Variants in ZFHX3 observed in about 807,000 individuals in gnomAD.
The protein encoded by ZFHX3 is zinc finger homeobox 3.
Under a neutral mutation model 279.1 loss-of-function variants are expected in ZFHX3, and 42 were observed. The ratio of observed to expected loss-of-function variants is 0.15; its 90% CI spans 0.12 to 0.19. The LOEUF is 0.19. Ranked by LOEUF, ZFHX3 falls within the 10% of genes least tolerant of loss-of-function variation. The pLI, the probability that ZFHX3 is intolerant of heterozygous loss-of-function variation, is 1.00. For synonymous variants in ZFHX3, 2,293 were observed against 1,957.8 expected (o/e 1.17, Z -4.52); for missense variants, 4,981 against 4,754.0 (o/e 1.05, Z -1.40).
intron 2 of ZFHX3, among the ~76,000 whole-genome samples, chr16:73,601,522 A>T (rs1382201000): frequency 3.3e-5 from 5 of 151,904 alleles, no homozygotes; most frequent in Non-Finnish European, 7.4e-5. Context: ...TCATGTGGTT[A>T]CTTTTACTTT....
chr16:72,961,780 A>C (rs1205887426), intron 1 of ZFHX3, among the ~76,000 whole-genome samples: 2 of 152,232 alleles, frequency 1.3e-5, no homozygotes, highest in African/African-American at 4.8e-5. Flanking sequence ...ACACACATGC[A>C]AACACATACC....
At chr16:73,022,708 C>CAA (rs1964345433) in intron 1 of ZFHX3, among the ~76,000 whole-genome samples, 3 of 152,098 alleles carry the variant, frequency 2.0e-5, no homozygotes, top group African/African-American at 7.2e-5. Flanking sequence ...GCAGGTAACA[C>CAA]AAATGAGCGA....
intron 1 of ZFHX3, among the ~76,000 whole-genome samples, chr16:73,684,849 C>T (rs1428198014): frequency 6.6e-6 from 1 of 151,568 alleles, no homozygotes; most frequent in Non-Finnish European, 1.5e-5. Context: ...TACAGGCACG[C>T]ACCACCACAC....
chr16:73,500,822 T>C (rs957024290), intron 2 of ZFHX3, among the ~76,000 whole-genome samples: 55 of 152,288 alleles, frequency 3.6e-4, no homozygotes, highest in African/African-American at 1.2e-3. Flanking sequence ...AGGAAAAAAG[T>C]TATAGTAAGC....
rs998538887 is a variant in ZFHX3 at position 73,486,673 on chromosome 16, G to A, written c.-1546-30415C>T. 3.7e-5 allele frequency: 15 copies of A among 403,750 alleles called. No individual in the cohort carries two copies. In the Admixed American group the frequency reaches 4.4e-4, roughly 12 times the overall value. The allele number at this position is 403,750 out of a possible 1,614,324, so 25.0% of individuals were successfully genotyped here. ...ATAGTGCTGGGATTAGAGGTGTGAT[G>A]CAGTTTTTATTCTAGCCCAGGACTT... On this transcript the variant is annotated intron_variant, in intron 2 of 17. Transcript: ENST00000641206.
chr16:73,590,881 A>G (rs1448201455), intron 2 of ZFHX3, among the ~76,000 whole-genome samples: 4 of 152,164 alleles, frequency 2.6e-5, no homozygotes, highest in Admixed American at 2.6e-4. Context: ...ATGGGGGACG[A>G]TATCTCATCC....
Position 73,538,430 on chromosome 16 carries a change from G to T in ZFHX3, c.-1546-82172C>A, listed in dbSNP as rs182515722. ...CTCTGAAGGTATCATCATTAATTGC[G>T]TGAAGTACATCATTAATTGCATTTT... is the stretch of plus-strand genomic sequence containing the variant. On this transcript the variant is annotated intron_variant, in intron 2 of 17. Coordinates refer to the ZFHX3 transcript ENST00000641206. 5.8e-4 allele frequency among the ~76,000 whole-genome samples: 89 copies of T among 152,176 alleles called. 1 individual carries two copies. Among genetic ancestry groups the T allele is most frequent in the African/African-American group, 2.1e-3 (88 of 41,506 alleles).
At chr16:72,964,081 G>A (rs1340035722) in intron 1 of ZFHX3, among the ~76,000 whole-genome samples, 1 of 152,214 alleles carries the variant, frequency 6.6e-6, no homozygotes, top group Non-Finnish European at 1.5e-5. Context: ...TTCCCTGGGT[G>A]ATCCCCTGCT....
intron 4 of ZFHX3, among the ~76,000 whole-genome samples, chr16:73,288,334 T>C (rs1002151199): frequency 6.6e-6 from 1 of 152,102 alleles, no homozygotes; most frequent in African/African-American, 2.4e-5. Context: ...CATCCCTCCA[T>C]GTGGTTCTGT....
chr16:72,801,329 T>C (rs572864361), intron 7 of ZFHX3, among the ~76,000 whole-genome samples: 4 of 152,276 alleles, frequency 2.6e-5, no homozygotes, highest in South Asian at 2.1e-4. Context: ...GTTGCAAAGA[T>C]TGGAATACGT....
At chr16:73,079,654 C>G (rs6416750) in intron 8 of ZFHX3, among the ~76,000 whole-genome samples, 1 of 151,828 alleles carries the variant, frequency 6.6e-6, no homozygotes, top group Non-Finnish European at 1.5e-5. Flanking sequence ...TCTTTACTCC[C>G]TTTCTACTTG....
intron 5 of ZFHX3, among the ~76,000 whole-genome samples, chr16:73,154,422 C>T (rs1967022329): frequency 6.6e-6 from 1 of 152,136 alleles, no homozygotes; most frequent in Admixed American, 6.5e-5. Context: ...GGCCACTGGA[C>T]AGTCACTCCC....
intron 2 of ZFHX3, among the ~76,000 whole-genome samples, chr16:73,618,917 T>C (rs1272152572): frequency 6.6e-6 from 1 of 152,130 alleles, no homozygotes; most frequent in Non-Finnish European, 1.5e-5. Flanking sequence ...GCATGAGATG[T>C]GATGGGACCA....
At chr16:72,890,457 T>C (rs1023362570) in intron 3 of ZFHX3, among the ~76,000 whole-genome samples, 6 of 151,820 alleles carry the variant, frequency 4.0e-5, no homozygotes, top group African/African-American at 1.5e-4. Flanking sequence ...AGCACGGTAA[T>C]GGACTAATGA....
chr16:73,865,745 C>G (rs1961999394), intron 1 of ZFHX3, among the ~76,000 whole-genome samples: 1 of 151,824 alleles, frequency 6.6e-6, no homozygotes, highest in Non-Finnish European at 1.5e-5. Context: ...TTTGAGAGGC[C>G]CAGGCAGGCA....
At position 72,874,648 on chromosome 16, in the gene ZFHX3, T is replaced by C. The variant is rs113825857; in HGVS notation, c.3448+15083A>G. ...TGCCCTCCTCCCAAGGCTGCTTATA[T>C]AAGGAAAAATGAAACCTCTTTTTTT... On this transcript the variant is annotated intron_variant, in intron 4 of 9. Coordinates refer to ENST00000268489, the MANE Select transcript of ZFHX3 (RefSeq NM_006885.4). Among the ~76,000 whole-genome samples the C allele has an allele frequency of 2.2e-3, 330 of 151,850 alleles. 1 individual carries two copies. The highest frequency in any genetic ancestry group is 7.5e-3 in the African/African-American group (312 of 41,406).
chr16:72,912,913 C>T (rs1368942544), intron 3 of ZFHX3, among the ~76,000 whole-genome samples: 5 of 152,020 alleles, frequency 3.3e-5, no homozygotes, highest in Non-Finnish European at 5.9e-5. Context: ...TTAGTAGAGA[C>T]GGGGTTTCAC....
chr16:73,079,885 AAT>A (rs1263275092), intron 8 of ZFHX3, among the ~76,000 whole-genome samples: 9 of 152,192 alleles, frequency 5.9e-5, no homozygotes, highest in African/African-American at 1.4e-4. Context: ...GAGCCTTTTA[AAT>A]AGATCCCTTG....
intron 6 of ZFHX3, among the ~76,000 whole-genome samples, chr16:73,140,384 T>C (rs1966844340): frequency 6.6e-6 from 1 of 152,172 alleles, no homozygotes; most frequent in South Asian, 2.1e-4. Context: ...AAAGTGCTCA[T>C]TAAGAGGAAT....
Sources: allele counts gnomAD v4.1 joint callset (sites outside exome capture counted in the v4.1 genomes callset), GRCh38; gene constraint gnomAD v4.1.1; transcripts MANE v1.5; gene names NCBI Gene and HGNC (gene_info 2026-07-23, HGNC 2026-07-21).